CCDC66: variants seen among roughly 807,000 people sequenced by gnomAD.
The protein encoded by CCDC66 is coiled-coil domain containing 66.
Under a neutral mutation model 128.3 loss-of-function variants are expected in CCDC66, and 133 were observed. The ratio of observed to expected loss-of-function variants is 1.04; its 90% CI spans 0.90 to 1.20. The LOEUF is 1.20. Among genes scored for constraint, CCDC66 ranks in the 50% most tolerant of loss-of-function variants. The pLI is 0.00. For synonymous variants in CCDC66, 387 were observed against 357.0 expected, an observed-to-expected ratio of 1.08 and a Z score of -0.95; for missense variants, 1,126 against 1,075.5, an observed-to-expected ratio of 1.05 and a Z score of -0.66.
At chr3:56,563,299 T>C (rs2065354625) in intron 3 of CCDC66, among the ~76,000 whole-genome samples, 1 of 151,770 alleles carries the variant, frequency 6.6e-6, no homozygotes, top group South Asian at 2.1e-4. Flanking sequence ...AGGTGGAGGT[T>C]GCAGTGAGCT....
In CCDC66 at chr3:56,563,954, G is replaced by T. The variant is rs761801552; in HGVS notation, c.373G>T (p.Val125Leu). The T allele has an allele frequency of 6.2e-7, 1 of 1,613,850 alleles. No homozygotes were observed. The highest frequency in any genetic ancestry group is 1.7e-5 in the Admixed American group (1 of 60,016). ...TPNMQKTRNT[V>L]NTSLVGKQKP... ...TAATATGCAGAAGACTAGAAACACC[G>T]TAAATACATCTCTAGTAGGTAAACA... The change falls in exon 4 of 18, where the codon GTA becomes TTA. Residue 125 changes from valine (V) to leucine (L), a missense_variant. Physicochemically the swap from Val to Leu is conservative, Grantham distance 32. Coordinates refer to ENST00000394672, the MANE Select transcript of CCDC66 (RefSeq NM_001141947.3).
intron 7 of CCDC66, among the ~76,000 whole-genome samples, chr3:56,581,579 A>C (rs921276758): frequency 2.0e-5 from 3 of 151,808 alleles, no homozygotes; most frequent in African/African-American, 7.2e-5. Flanking sequence ...ATGGTGACGT[A>C]CAGATGGGGT....
chr3:56,585,423 A>C (rs1422427584), intron 7 of CCDC66, among the ~76,000 whole-genome samples: 3 of 151,900 alleles, frequency 2.0e-5, no homozygotes, highest in Admixed American at 6.6e-5. Context: ...ATCTGGCATC[A>C]AAGATATTAT....
intron 6 of CCDC66, 63 bp downstream of exon 6, chr3:56,567,116 G>A: frequency 7.7e-7 from 1 of 1,295,400 alleles, no homozygotes; most frequent in Non-Finnish European, 1.1e-6. Flanking sequence ...TTGAAGCCGG[G>A]CACGGTGGCT....
chr3:56,608,866 G>T (rs927598287), intron 10 of CCDC66, among the ~76,000 whole-genome samples: 1 of 152,104 alleles, frequency 6.6e-6, no homozygotes, highest in African/African-American at 2.4e-5. Flanking sequence ...TTTTGGCCCA[G>T]TGCTCATTCA....
Position 56,619,760 on chromosome 3 carries a change from C to G in CCDC66, c.2636-17C>G. 1 of 1,612,556 alleles carries G rather than the reference C, an allele frequency of 6.2e-7. No homozygotes were observed. Among genetic ancestry groups the G allele is most frequent in the Non-Finnish European group, 8.5e-7 (1 of 1,179,292 alleles). ...ACTAATGTAATTGACTGACTTGTTA[C>G]TTTCATCTGGCTTTAGACTGTGGCC... On this transcript the variant is annotated splice_polypyrimidine_tract_variant and intron_variant, in intron 16 of 17. Transcript: ENST00000394672.
At chr3:56,594,141 G>T (rs978606270) in intron 10 of CCDC66, 113 bp downstream of exon 10, 10 of 906,640 alleles carry the variant, frequency 1.1e-5, no homozygotes, top group African/African-American at 9.8e-5. Flanking sequence ...CATAGGTCCT[G>T]TCCAGTTGTG....
intron 10 of CCDC66, among the ~76,000 whole-genome samples, chr3:56,606,815 TG>T (rs952308606): frequency 1.9e-4 from 29 of 152,084 alleles, no homozygotes; most frequent in Admixed American, 6.5e-5. Flanking sequence ...AGTTGATTTT[TG>T]TATAAGGTGA....
intron 7 of CCDC66, among the ~76,000 whole-genome samples, chr3:56,583,876 G>A (rs573325067): frequency 0.011 from 1,661 of 144,720 alleles, 64 homozygotes; most frequent in African/African-American, 0.029. Flanking sequence ...AGGGGCGGCC[G>A]GGCAGAGGCG....
At chr3:56,563,393 GAAAA>G (rs34569651) in intron 3 of CCDC66, 20 of 194,006 alleles carry the variant, frequency 1.0e-4, no homozygotes, top group African/African-American at 1.5e-4. Context: ...TTTTTTAATT[GAAAA>G]AAAAAAAAAA....
chr3:56,588,355 A>AT (rs1410379330), intron 7 of CCDC66, among the ~76,000 whole-genome samples: 2 of 152,156 alleles, frequency 1.3e-5, no homozygotes, highest in African/African-American at 4.8e-5. Context: ...GATTCAGTCT[A>AT]TACTGCTCGG....
rs1352256587 is a variant in CCDC66 at position 56,593,400 on chromosome 3, T to G, written c.1069-91T>G. The G allele has an allele frequency of 5.0e-6, 7 of 1,409,822 alleles. No homozygotes were observed. In the African/African-American group the frequency reaches 1.0e-4, roughly 20 times the overall value. 87.3% of individuals were successfully genotyped at this position (1,409,822 alleles called of 1,614,324 possible). On this transcript the variant is annotated intron_variant, in intron 8 of 17. Coordinates refer to ENST00000394672, the MANE Select transcript of CCDC66 (RefSeq NM_001141947.3). ...TTATGATGCTTATTCTGCTCTAAGGTGACTTTTAGAAATCATCTTTGGTTG... is the reference window on the plus strand; with the variant it reads ...TTATGATGCTTATTCTGCTCTAAGGGGACTTTTAGAAATCATCTTTGGTTG...
intron 10 of CCDC66, among the ~76,000 whole-genome samples, chr3:56,595,214 A>G (rs759290065): frequency 4.6e-5 from 7 of 152,220 alleles, no homozygotes; most frequent in African/African-American, 1.4e-4. Flanking sequence ...TCTGGTATCT[A>G]TCACCTTGAG....
chr3:56,583,962 G>A lies in CCDC66; in HGVS notation c.937-9008G>A, dbSNP rs1331070224. 2.4e-4 allele frequency among the ~76,000 whole-genome samples: 32 copies of A among 136,082 alleles called. 2 individuals carry two copies. The highest frequency in any genetic ancestry group is 1.2e-3 in the South Asian group (5 of 4,040). The allele number at this position is 136,082 out of a possible 152,430, so 89.3% of individuals were successfully genotyped here. On this transcript the variant is annotated intron_variant, in intron 7 of 17. Coordinates refer to ENST00000394672, the MANE Select transcript of CCDC66 (RefSeq NM_001141947.3). ...TCCCTCCCGGACGGGGCGGCTGGCC[G>A]GGCGGGGGCTGCCCCCCACCTCCCT...
At chr3:56,559,247 A>G (rs1434746831) in intron 2 of CCDC66, among the ~76,000 whole-genome samples, 2 of 152,096 alleles carry the variant, frequency 1.3e-5, no homozygotes, top group African/African-American at 4.8e-5. Context: ...TCATTTGAGA[A>G]AAGTTTATAG....
At chr3:56,614,381 A>G (rs139624982) in intron 11 of CCDC66, among the ~76,000 whole-genome samples, 1 of 152,322 alleles carries the variant, frequency 6.6e-6, no homozygotes, top group East Asian at 1.9e-4. Flanking sequence ...TAATTATTCT[A>G]GGTATGTTAA....
chr3:56,599,851 T>C (rs1577787030), intron 10 of CCDC66, among the ~76,000 whole-genome samples: 1 of 152,192 alleles, frequency 6.6e-6, no homozygotes, highest in East Asian at 1.9e-4. Context: ...GAATGTGTAT[T>C]CTCTTAACTG....
chr3:56,593,250 A>G (rs373698401), intron 8 of CCDC66, 149 bp downstream of exon 8: 1 of 794,010 alleles, frequency 1.3e-6, no homozygotes, highest in Non-Finnish European at 1.9e-6. Context: ...CATTGAATGC[A>G]TTATGTGATG....
At chr3:56,588,303 G>A (rs984932146) in intron 7 of CCDC66, among the ~76,000 whole-genome samples, 8 of 152,182 alleles carry the variant, frequency 5.3e-5, no homozygotes, top group African/African-American at 1.9e-4. Context: ...GACTTATGGA[G>A]AAAGGCTGGG....
Sources: gnomAD v4.1 joint callset for allele counts (sites outside exome capture counted in the v4.1 genomes callset) on GRCh38, gnomAD v4.1.1 for gene constraint, MANE v1.5 for transcripts, NCBI Gene and HGNC (gene_info 2026-07-23, HGNC 2026-07-21) for gene names.